The following CD58 variants were observed in gnomAD, a reference collection of about 807,000 sequenced individuals.
CD58 encodes the protein CD58 molecule.
CD58 carries 14 observed loss-of-function variants against 27.6 expected under a neutral mutation model. That is an observed-to-expected ratio of 0.51 (90% confidence interval 0.34 to 0.79). The LOEUF is 0.79. Ranked by LOEUF, CD58 falls within the 30% of genes least tolerant of loss-of-function variation. CD58 has a pLI of 0.02. For missense variants in CD58, 268 were observed against 301.7 expected, an observed-to-expected ratio of 0.89 and a Z score of 0.83; for synonymous variants, 117 against 103.8, an observed-to-expected ratio of 1.13 and a Z score of -0.77.
Position 116,570,997 on chromosome 1 carries a change from G to A in CD58, c.-25C>T. The A allele has an allele frequency of 6.5e-7, 1 of 1,531,502 alleles. No individual in the cohort carries two copies. The highest frequency in any genetic ancestry group is 8.7e-7 in the Non-Finnish European group (1 of 1,144,882). 94.9% of individuals were successfully genotyped at this position (1,531,502 alleles called of 1,614,324 possible). A position where few individuals can be genotyped will look rare whatever the true frequency, so the allele number is the denominator to read the frequency against. ...TGGCTCGTCGGGCCGGCCTCTGCGC[G>A]AGTGCCCAGCCACAAGCAGCCCTAA... is the stretch of plus-strand genomic sequence containing the variant. On this transcript the variant is annotated 5_prime_UTR_variant, in exon 1 of 6. Transcript: ENST00000369489. This position sits in a 1 kb window ranked among gnomAD's most constrained non-coding sequence, Gnocchi z 6.4.
At chr1:116,542,877 T>G (rs1658036473) in intron 2 of CD58, among the ~76,000 whole-genome samples, 1 of 152,176 alleles carries the variant, frequency 6.6e-6, no homozygotes, top group East Asian at 1.9e-4. Context: ...TCTGATTGCT[T>G]ATTCTCCTTA....
chr1:116,551,738 C>CTTTTTTTTT (rs1298283594), intron 1 of CD58, among the ~76,000 whole-genome samples: 2 of 129,736 alleles, frequency 1.5e-5, no homozygotes, highest in African/African-American at 2.8e-5. Flanking sequence ...TTCTTTCTTT[C>CTTTTTTTTT]TTTTTTTTTT....
At chr1:116,567,644 T>C (rs1485885556) in intron 1 of CD58, among the ~76,000 whole-genome samples, 2 of 151,916 alleles carry the variant, frequency 1.3e-5, no homozygotes, top group Admixed American at 6.6e-5. Flanking sequence ...TCTCAAAAAA[T>C]AAAATAAAAT....
At chr1:116,567,161 T>C (rs1038421667) in intron 1 of CD58, among the ~76,000 whole-genome samples, 3 of 128,232 alleles carry the variant, frequency 2.3e-5, no homozygotes, top group African/African-American at 8.7e-5. Flanking sequence ...GAAAAGGCAA[T>C]GAAACAAAGA....
At chr1:116,561,695 G>C (rs1411291990) in intron 1 of CD58, among the ~76,000 whole-genome samples, 1 of 152,088 alleles carries the variant, frequency 6.6e-6, no homozygotes, top group Non-Finnish European at 1.5e-5. Context: ...TGGATCTCAG[G>C]CTAGGGATAC....
intron 3 of CD58, chr1:116,533,575 A>C: frequency 1.4e-6 from 1 of 713,382 alleles, no homozygotes; most frequent in South Asian, 1.4e-5. Context: ...TTCACTTAGC[A>C]TATCTACATT....
rs529834842 is a variant in CD58 at position 116,523,057 on chromosome 1, T to C, written c.629-1074A>G. Among the ~76,000 whole-genome samples, 20 of 152,216 alleles carry C rather than the reference T, an allele frequency of 1.3e-4. No individual in the cohort carries two copies. Among genetic ancestry groups the C allele is most frequent in the Non-Finnish European group, 2.8e-4 (19 of 68,036 alleles). On this transcript the variant is annotated intron_variant, in intron 3 of 5. Coordinates refer to ENST00000369489, the MANE Select transcript of CD58 (RefSeq NM_001779.3). The surrounding 1 kb of genome is among the most constrained non-coding windows in gnomAD (Gnocchi z 4.4). Reference sequence around the variant, plus strand: ...TCATTAACCTATTGAGTAGATGTTATTGGTATCTCTATTAATATCTTGTGA... The same window carrying C: ...TCATTAACCTATTGAGTAGATGTTACTGGTATCTCTATTAATATCTTGTGA...
Position 116,570,977 on chromosome 1 carries a change from C to A in CD58, c.-5G>T. ...CGCGTCGCTCCCAGCAACCATGGCT[C>A]GTCGGGCCGGCCTCTGCGCGAGTGC... On this transcript the variant is annotated 5_prime_UTR_variant, in exon 1 of 6. Coordinates refer to ENST00000369489, the MANE Select transcript of CD58 (RefSeq NM_001779.3). This position sits in a 1 kb window ranked among gnomAD's most constrained non-coding sequence, Gnocchi z 6.4. The A allele has an allele frequency of 6.5e-7, 1 of 1,546,184 alleles. No homozygotes were observed. The highest frequency in any genetic ancestry group is 2.4e-5 in the East Asian group (1 of 41,282).
rs1659128249 is a variant in CD58, at chr1:116,571,000, T to C, written c.-28A>G. ...CTCGTCGGGCCGGCCTCTGCGCGAGTGCCCAGCCACAAGCAGCCCTAAGTT... is the reference window on the plus strand; with the variant it reads ...CTCGTCGGGCCGGCCTCTGCGCGAGCGCCCAGCCACAAGCAGCCCTAAGTT... On this transcript the variant is annotated 5_prime_UTR_variant, in exon 1 of 6. Coordinates refer to ENST00000369489, the MANE Select transcript of CD58 (RefSeq NM_001779.3). This position sits in a 1 kb window ranked among gnomAD's most constrained non-coding sequence, Gnocchi z 6.4. 1 of 1,528,572 alleles carries C rather than the reference T, an allele frequency of 6.5e-7. No individual in the cohort carries two copies. Among genetic ancestry groups the C allele is most frequent in the Non-Finnish European group, 8.7e-7 (1 of 1,143,030 alleles). 94.7% of individuals were successfully genotyped at this position (1,528,572 alleles called of 1,614,324 possible). A position where few individuals can be genotyped will look rare whatever the true frequency, so the allele number is the denominator to read the frequency against.
At chr1:116,555,263 T>G (rs1658525541) in intron 1 of CD58, among the ~76,000 whole-genome samples, 1 of 152,104 alleles carries the variant, frequency 6.6e-6, no homozygotes, top group Non-Finnish European at 1.5e-5. Context: ...GTAGAAATCA[T>G]AATGCCCACC....
intron 2 of CD58, 118 bp downstream of exon 2, chr1:116,544,193 G>A (rs750595142): frequency 5.2e-5 from 36 of 688,830 alleles, no homozygotes; most frequent in Non-Finnish European, 6.0e-5. Context: ...AGAAAACCCT[G>A]ACAACAGGTA....
chr1:116,515,465 T>TA lies in CD58; in HGVS notation c.744-644dup, dbSNP rs1164803256. Among the ~76,000 whole-genome samples, 7 of 152,170 alleles carry TA rather than the reference T, an allele frequency of 4.6e-5. No homozygotes were observed. The highest frequency in any genetic ancestry group is 3.3e-4 in the Admixed American group (5 of 15,280). Reference sequence around the variant, plus strand: ...TAGTGCTGTGGTCACAGGGGTGAGGTAAAGGACAGCAAACTAGAAGTTTCC... The same window carrying TA: ...TAGTGCTGTGGTCACAGGGGTGAGGTAAAAGGACAGCAAACTAGAAGTTTCC... On this transcript the variant is annotated intron_variant, in intron 5 of 5. Coordinates refer to ENST00000369489, the MANE Select transcript of CD58 (RefSeq NM_001779.3). The surrounding 1 kb of genome is among the most constrained non-coding windows in gnomAD (Gnocchi z 4.6).
chr1:116,525,879 G>A (rs1463145706), intron 3 of CD58, among the ~76,000 whole-genome samples: 1 of 152,180 alleles, frequency 6.6e-6, no homozygotes, highest in African/African-American at 2.4e-5. Flanking sequence ...TTGAACTCCT[G>A]ACCTCAGGTG....
intron 2 of CD58, among the ~76,000 whole-genome samples, chr1:116,542,165 C>A (rs1024477427): frequency 4.6e-5 from 7 of 152,196 alleles, no homozygotes; most frequent in African/African-American, 1.4e-4. Context: ...GTAATCTCAA[C>A]TGTTCAGGAG....
Position 116,570,798 on chromosome 1 carries a change from C to CA in CD58, c.70+104_70+105insT. 3.6e-6 allele frequency: 3 copies of CA among 824,426 alleles called. No homozygotes were observed. The highest frequency in any genetic ancestry group is 5.6e-6 in the Non-Finnish European group (3 of 534,614). The allele number at this position is 824,426 out of a possible 1,614,324, so 51.1% of individuals were successfully genotyped here. On this transcript the variant is annotated intron_variant, in intron 1 of 5. Transcript: ENST00000369489. This position sits in a 1 kb window ranked among gnomAD's most constrained non-coding sequence, Gnocchi z 6.4. ...CCGGCCCACAGCGACCCGTCCCCAC[C>CA]CGTCTCTGATCGGCAACCGCCTCGA... is the stretch of plus-strand genomic sequence containing the variant.
chr1:116,534,115 C>G lies in CD58; in HGVS notation c.628+1850G>C, dbSNP rs1657710866. On this transcript the variant is annotated intron_variant, in intron 3 of 5. Transcript: ENST00000369489. This position sits in a 1 kb window ranked among gnomAD's most constrained non-coding sequence, Gnocchi z 5.3. The stretch of plus-strand genomic sequence containing the variant: ...CATCTGAATGTTTTTATCCCCTTGT[C>G]TGGTAAACCAAGTCCCGTGAGTAAC... 1.3e-6 allele frequency: 1 copy of G among 747,840 alleles called. No individual in the cohort carries two copies. 46.3% of individuals were successfully genotyped at this position (747,840 alleles called of 1,614,324 possible). A position where few individuals can be genotyped will look rare whatever the true frequency, so the allele number is the denominator to read the frequency against.
At position 116,523,923 on chromosome 1, in the gene CD58, A is replaced by C. The variant is rs1267151406; in HGVS notation, c.629-1940T>G. Among the ~76,000 whole-genome samples the C allele has an allele frequency of 6.6e-6, 1 of 152,186 alleles. No homozygotes were observed. Among genetic ancestry groups the C allele is most frequent in the East Asian group, 1.9e-4 (1 of 5,200 alleles). On this transcript the variant is annotated intron_variant, in intron 3 of 5. Coordinates refer to ENST00000369489, the MANE Select transcript of CD58 (RefSeq NM_001779.3). The surrounding 1 kb of genome is among the most constrained non-coding windows in gnomAD (Gnocchi z 4.4). Reference sequence around the variant, plus strand: ...CTAGAGATGACCAGTGAGTTTTTAAATTTGTTTTTAGTACATTATGAACGC... The same window carrying C: ...CTAGAGATGACCAGTGAGTTTTTAACTTTGTTTTTAGTACATTATGAACGC...
In CD58 at chr1:116,532,968, G is replaced by T; in HGVS notation, c.628+2997C>A. On this transcript the variant is annotated intron_variant, in intron 3 of 5. Transcript: ENST00000369489. The surrounding 1 kb of genome is among the most constrained non-coding windows in gnomAD (Gnocchi z 5.1). ...TGCTTGCATTCCGCCGGCTGGCTGGGTTCCTTGTTGGGATTAATTTCCACC... is the reference window on the plus strand; with the variant it reads ...TGCTTGCATTCCGCCGGCTGGCTGGTTTCCTTGTTGGGATTAATTTCCACC... 1 of 987,628 alleles carries T rather than the reference G, an allele frequency of 1.0e-6. No homozygotes were observed. The highest frequency in any genetic ancestry group is 2.8e-5 in the East Asian group (1 of 36,146). 61.2% of individuals were successfully genotyped at this position (987,628 alleles called of 1,614,324 possible). A position where few individuals can be genotyped will look rare whatever the true frequency, so the allele number is the denominator to read the frequency against.
Position 116,523,617 on chromosome 1 carries a change from T to C in CD58, c.629-1634A>G, listed in dbSNP as rs1202057791. On this transcript the variant is annotated intron_variant, in intron 3 of 5. Transcript: ENST00000369489. This position sits in a 1 kb window ranked among gnomAD's most constrained non-coding sequence, Gnocchi z 4.4. ...GCAATAATACTCCCCAAGTAGTGTT[T>C]GTATACTTCCCTTAGGTGGCATACG... Among the ~76,000 whole-genome samples, 1 of 152,200 alleles carries C rather than the reference T, an allele frequency of 6.6e-6. No homozygotes were observed. The highest frequency in any genetic ancestry group is 1.5e-5 in the Non-Finnish European group (1 of 68,038).
Sources: allele counts gnomAD v4.1 joint callset (sites outside exome capture counted in the v4.1 genomes callset), GRCh38; gene constraint gnomAD v4.1.1; non-coding constraint Gnocchi (gnomAD v3.1); transcripts MANE v1.5; gene names NCBI Gene and HGNC (gene_info 2026-07-23, HGNC 2026-07-21).